SH3GLB2: variants seen among roughly 807,000 people sequenced by gnomAD.
SH3GLB2 encodes endophilin-B2.
In SH3GLB2, 24 loss-of-function variants were observed where a neutral mutation model predicts 48.0. The ratio of observed to expected loss-of-function variants is 0.50; its 90% CI spans 0.36 to 0.70. SH3GLB2 has a LOEUF of 0.70. Ranked by LOEUF, SH3GLB2 falls within the 30% of genes least tolerant of loss-of-function variation. The probability of loss-of-function intolerance (pLI) is 0.00; values close to 1 mark genes in which losing one functional copy is unlikely to be tolerated. For missense variants in SH3GLB2, 425 were observed against 516.0 expected (o/e 0.82, Z 1.71); for synonymous variants, 227 against 207.6 (o/e 1.09, Z -0.80).
chr9:129,019,492 G>A (rs1459972646), intron 3 of SH3GLB2, among the ~76,000 whole-genome samples: 1 of 151,880 alleles, frequency 6.6e-6, no homozygotes, highest in African/African-American at 2.4e-5. Flanking sequence ...GATCACCGGA[G>A]GTCAGGAGAT....
Position 129,014,670 on chromosome 9 carries a change from G to T in SH3GLB2, c.468+101C>A, listed in dbSNP as rs1843320682. On this transcript the variant is annotated intron_variant, in intron 4 of 10. Transcript: ENST00000372564. This position sits in a 1 kb window ranked among gnomAD's most constrained non-coding sequence, Gnocchi z 4.1. ...GGAGCCCTCTCTGGGGAGGCCTCAG[G>T]AGTTTTGTAGCCCCAGCACTGGAAG... 1 of 1,538,400 alleles carries T rather than the reference G, an allele frequency of 6.5e-7. No homozygotes were observed. The highest frequency in any genetic ancestry group is 1.9e-5 in the Admixed American group (1 of 51,826).
chr9:129,024,256 C>CAAAA lies in SH3GLB2; in HGVS notation c.64-1837_64-1834dup, dbSNP rs1169096733. 1.4e-3 allele frequency among the ~76,000 whole-genome samples: 75 copies of CAAAA among 54,410 alleles called. 1 individual carries two copies. The highest frequency in any genetic ancestry group is 2.0e-3 in the East Asian group (3 of 1,470). 35.7% of individuals were successfully genotyped at this position (54,410 alleles called of 152,430 possible). ...GGGCAACCGTGAGACCTCCTCTCTA[C>CAAAA]AAAAAAAAAAAAAAAAAAAAAAAAG... On this transcript the variant is annotated intron_variant, in intron 1 of 10. Coordinates refer to ENST00000372564, the MANE Select transcript of SH3GLB2 (RefSeq NM_020145.4).
chr9:129,012,032 C>T (rs778417112), intron 6 of SH3GLB2: 27 of 399,458 alleles, frequency 6.8e-5, no homozygotes, highest in Non-Finnish European at 1.1e-4. Context: ...AAGTCCAGCT[C>T]CATGGCCACA....
intron 1 of SH3GLB2, 91 bp downstream of exon 1, chr9:129,028,001 G>T: frequency 8.0e-7 from 1 of 1,252,470 alleles, no homozygotes; most frequent in Non-Finnish European, 1.1e-6. Flanking sequence ...GCCCGGGAGG[G>T]CTTTCCCGCG....
intron 9 of SH3GLB2, 172 bp from the exon 10 acceptor site, chr9:129,009,518 C>T (rs1842977213): frequency 6.5e-7 from 1 of 1,548,210 alleles, no homozygotes; most frequent in Admixed American, 2.0e-5. Context: ...GATGGCCCCA[C>T]CCCCTGGTCC....
chr9:129,027,038 A>C (rs776295575), intron 1 of SH3GLB2, among the ~76,000 whole-genome samples: 2 of 152,138 alleles, frequency 1.3e-5, no homozygotes, highest in Non-Finnish European at 2.9e-5. Flanking sequence ...AACGATGACA[A>C]CGACAACGAC....
At chr9:129,018,611 G>C (rs1282459443) in intron 3 of SH3GLB2, among the ~76,000 whole-genome samples, 2 of 142,184 alleles carry the variant, frequency 1.4e-5, no homozygotes, top group South Asian at 2.2e-4. Context: ...AAATTTACCT[G>C]AGGCCAGGCA....
At chr9:129,017,022 G>A (rs565906793) in intron 3 of SH3GLB2, among the ~76,000 whole-genome samples, 24 of 142,854 alleles carry the variant, frequency 1.7e-4, no homozygotes, top group South Asian at 1.3e-3. Flanking sequence ...CTCTTGGCTC[G>A]CTGCAACCTA....
Position 129,014,281 on chromosome 9 carries a change from C to T in SH3GLB2, c.561+130G>A. On this transcript the variant is annotated intron_variant, in intron 5 of 10. Transcript: ENST00000372564. The surrounding 1 kb of genome is among the most constrained non-coding windows in gnomAD (Gnocchi z 4.1). Reference sequence around the variant, plus strand: ...GACAGAGAGGCTCAGCCCAGCAGCCCCCAGCCAGGCATCTCCAGCCAGGGA... The same window carrying T: ...GACAGAGAGGCTCAGCCCAGCAGCCTCCAGCCAGGCATCTCCAGCCAGGGA... 1 of 869,126 alleles carries T rather than the reference C, an allele frequency of 1.2e-6. No homozygotes were observed. The highest frequency in any genetic ancestry group is 1.8e-6 in the Non-Finnish European group (1 of 558,424). 53.8% of individuals were successfully genotyped at this position (869,126 alleles called of 1,614,324 possible). A position where few individuals can be genotyped will look rare whatever the true frequency, so the allele number is the denominator to read the frequency against.
In SH3GLB2 at chr9:129,011,795, TC is replaced by T; in HGVS notation, c.624+440del. The T allele has an allele frequency of 6.2e-6, 1 of 161,158 alleles. No individual in the cohort carries two copies. The highest frequency in any genetic ancestry group is 1.3e-5 in the Non-Finnish European group (1 of 74,412). 10.0% of individuals were successfully genotyped at this position (161,158 alleles called of 1,614,324 possible). On this transcript the variant is annotated intron_variant, in intron 6 of 10. Transcript: ENST00000372564. This position sits in a 1 kb window ranked among gnomAD's most constrained non-coding sequence, Gnocchi z 4.5. ...AGGCCCTCCCGCCCCCCAGGCGCTC[TC>T]CAGGCCTACGACGCCATCCCTGCCT...
At chr9:129,012,714 A>AC (rs1843197625) in intron 5 of SH3GLB2, 10 of 513,032 alleles carry the variant, frequency 1.9e-5, no homozygotes, top group Non-Finnish European at 3.5e-5. Flanking sequence ...GAATCCGCAC[A>AC]CCACATCTCT....
At position 129,010,149 on chromosome 9, in the gene SH3GLB2, G is replaced by C. The variant is rs1307767492; in HGVS notation, c.709C>G (p.Leu237Val). 9 of 1,614,072 alleles carry C rather than the reference G, an allele frequency of 5.6e-6. No homozygotes were observed. The highest frequency in any genetic ancestry group is 6.8e-6 in the Non-Finnish European group (8 of 1,179,982). Residue 237 changes from leucine to valine, a missense_variant, in exon 8 of 11, where the codon CTC (leucine) becomes GTC (valine). Leu to Val is a conservative substitution (Grantham distance 32, BLOSUM62 1). Transcript: ENST00000372564. ...GTGCTACTGATTCCCTCCAGCAAGA[G>C]ACGGGTCACTTCTGCTTGCCGGTCA... ...EFDRQAEVTR[L>V]LLEGISSTHV... is the part of the protein sequence containing the mutation.
chr9:129,015,323 C>T (rs7850015), intron 3 of SH3GLB2, among the ~76,000 whole-genome samples: 53,363 of 152,060 alleles, frequency 0.35, 9,677 homozygotes, highest in Admixed American at 0.41. Flanking sequence ...ATAGGGAGAC[C>T]TTATCTCTTT....
intron 3 of SH3GLB2, among the ~76,000 whole-genome samples, chr9:129,020,270 A>C (rs1843704275): frequency 6.7e-6 from 1 of 148,494 alleles, no homozygotes; most frequent in African/African-American, 2.5e-5. Flanking sequence ...GATTCCATTA[A>C]AAAATACACA....
At chr9:129,010,030 A>T (rs982281088) in intron 8 of SH3GLB2, 90 bp downstream of exon 8, 5 of 1,446,868 alleles carry the variant, frequency 3.5e-6, no homozygotes, top group Non-Finnish European at 4.8e-6. Context: ...TGTGAGGGCC[A>T]TTCTGGGGCA....
chr9:129,022,176 C>T (rs1293979275), intron 2 of SH3GLB2, 106 bp downstream of exon 2: 9 of 1,484,754 alleles, frequency 6.1e-6, no homozygotes, highest in Non-Finnish European at 7.2e-6. Context: ...CTAGCTGAAA[C>T]CCCGGCTGCA....
Position 129,007,541 on chromosome 9 carries a change from G to C in SH3GLB2, c.*1143C>G, listed in dbSNP as rs549658650. 2.0e-4 allele frequency: 30 copies of C among 152,310 alleles called. No homozygotes were observed. The highest frequency in any genetic ancestry group is 1.6e-3 in the Admixed American group (25 of 15,296). 9.4% of individuals were successfully genotyped at this position (152,310 alleles called of 1,614,324 possible). ...CCATCTAAAACACAGACATCACTTAGGGTTTCTAGAATCAGGCTGCCTGGG... is the reference window on the plus strand; with the variant it reads ...CCATCTAAAACACAGACATCACTTACGGTTTCTAGAATCAGGCTGCCTGGG... On this transcript the variant is annotated 3_prime_UTR_variant, in exon 11 of 11. Transcript: ENST00000372564.
In SH3GLB2 at chr9:129,011,901, GC is replaced by G; in HGVS notation, c.624+334del. On this transcript the variant is annotated intron_variant, in intron 6 of 10. Transcript: ENST00000372564. This position sits in a 1 kb window ranked among gnomAD's most constrained non-coding sequence, Gnocchi z 4.5. Reference sequence around the variant, plus strand: ...ATCCTCAGGGCCTCCCCAGGGCCTGGCATTCAGAGACAGCAGGAGGTGGAGG... The same window carrying G: ...ATCCTCAGGGCCTCCCCAGGGCCTGGATTCAGAGACAGCAGGAGGTGGAGG... 3 of 288,252 alleles carry G rather than the reference GC, an allele frequency of 1.0e-5. No individual in the cohort carries two copies. The allele number at this position is 288,252 out of a possible 1,614,324, so 17.9% of individuals were successfully genotyped here.
chr9:129,009,927 T>C, intron 8 of SH3GLB2, 56 bp from the exon 9 acceptor site: 1 of 1,540,446 alleles, frequency 6.5e-7, no homozygotes, highest in Non-Finnish European at 8.9e-7. Flanking sequence ...GAACAAAAAA[T>C]TCCGTCCCCA....
Sources: allele counts gnomAD v4.1 joint callset (sites outside exome capture counted in the v4.1 genomes callset), GRCh38; gene constraint gnomAD v4.1.1; non-coding constraint Gnocchi (gnomAD v3.1); transcripts MANE v1.5; gene names NCBI Gene and HGNC (gene_info 2026-07-23, HGNC 2026-07-21).